CREBRF: variants seen among roughly 807,000 people sequenced by gnomAD.
CREBRF encodes the protein UPF0474 protein C5orf41.
Under a neutral mutation model 66.1 loss-of-function variants are expected in CREBRF, and 5 were observed. The ratio of observed to expected loss-of-function variants is 0.08; its 90% CI spans 0.04 to 0.16. CREBRF has a LOEUF of 0.16. Ranked by LOEUF, CREBRF falls within the 10% of genes least tolerant of loss-of-function variation. CREBRF has a pLI of 1.00. For missense variants in CREBRF, 531 were observed against 744.9 expected, an observed-to-expected ratio of 0.71 and a Z score of 3.34; for synonymous variants, 229 against 264.4, an observed-to-expected ratio of 0.87 and a Z score of 1.30.
chr5:173,091,893 C>T (rs937277660), intron 4 of CREBRF: 14 of 504,934 alleles, frequency 2.8e-5, no homozygotes, highest in South Asian at 2.5e-4. Flanking sequence ...AAGACCAGCC[C>T]GGCCAACACA....
intron 8 of CREBRF, among the ~76,000 whole-genome samples, chr5:173,131,473 C>T (rs1759422787): frequency 6.6e-6 from 1 of 152,140 alleles, no homozygotes; most frequent in Admixed American, 6.6e-5. Context: ...TAGTCTACAT[C>T]AGTCTCCCCA....
intron 7 of CREBRF, among the ~76,000 whole-genome samples, chr5:173,112,914 G>A (rs1188348042): frequency 6.6e-6 from 1 of 152,112 alleles, no homozygotes; most frequent in African/African-American, 2.4e-5. Flanking sequence ...CACATTTCTA[G>A]GCTTCTCTGC....
At chr5:173,082,003 G>GTTTTTTTTTTTTTTTTTTTTTTTTTTTTT (rs869148787) in intron 2 of CREBRF, among the ~76,000 whole-genome samples, 1 of 78,046 alleles carries the variant, frequency 1.3e-5, no homozygotes, top group Non-Finnish European at 2.5e-5. Flanking sequence ...TCAAGGTTTA[G>GTTTTTTTTTTTTTTTTTTTTTTTTTTTTT]TTTTTTTTTT....
intron 1 of CREBRF, among the ~76,000 whole-genome samples, chr5:173,059,290 G>A (rs1554121890): frequency 8.9e-6 from 1 of 112,304 alleles, no homozygotes; most frequent in Non-Finnish European, 1.8e-5. Flanking sequence ...TTGAGACGGA[G>A]TTTCGCCCTT....
At chr5:173,064,341 C>G (rs1209330816) in intron 1 of CREBRF, among the ~76,000 whole-genome samples, 1 of 152,134 alleles carries the variant, frequency 6.6e-6, no homozygotes, top group Non-Finnish European at 1.5e-5. Flanking sequence ...AGCAAGGCTT[C>G]TAGCATCCTA....
At chr5:173,061,797 G>A (rs1757281063) in intron 1 of CREBRF, among the ~76,000 whole-genome samples, 1 of 152,152 alleles carries the variant, frequency 6.6e-6, no homozygotes, top group African/African-American at 2.4e-5. Flanking sequence ...AAAATGTCAA[G>A]TCGTGCTAAG....
At chr5:173,061,149 G>A (rs1757259690) in intron 1 of CREBRF, among the ~76,000 whole-genome samples, 1 of 152,112 alleles carries the variant, frequency 6.6e-6, no homozygotes, top group Non-Finnish European at 1.5e-5. Flanking sequence ...TGTATTTTTA[G>A]TAGAGACGGG....
intron 1 of CREBRF, among the ~76,000 whole-genome samples, chr5:173,065,656 T>TTTC (rs1450813439): frequency 1.4e-4 from 19 of 135,124 alleles, no homozygotes; most frequent in South Asian, 2.4e-4. Context: ...TCTTTTCCTT[T>TTTC]TTCTTCTTCT....
At chr5:173,071,431 C>A (rs1019581282) in intron 1 of CREBRF, among the ~76,000 whole-genome samples, 1 of 151,876 alleles carries the variant, frequency 6.6e-6, no homozygotes, top group African/African-American at 2.4e-5. Flanking sequence ...GCTGGTCTCA[C>A]ACTCCTGACC....
At chr5:173,096,458 TCTCCTCCCTC>T (rs1408461281) in intron 4 of CREBRF, among the ~76,000 whole-genome samples, 1 of 20,742 alleles carries the variant, frequency 4.8e-5, no homozygotes, top group Non-Finnish European at 1.2e-4. Flanking sequence ...TCTCCTCCCC[TCTCCTCCCTC>T]CCCTCCCCTT....
chr5:173,064,123 A>G (rs1431069808), intron 1 of CREBRF, among the ~76,000 whole-genome samples: 3 of 151,970 alleles, frequency 2.0e-5, no homozygotes, highest in Non-Finnish European at 2.9e-5. Context: ...TTTCTTCAGT[A>G]TAATATTTTG....
chr5:173,108,575 G>T, intron 4 of CREBRF, 49 bp from the exon 5 acceptor site: 1 of 1,509,702 alleles, frequency 6.6e-7, no homozygotes, highest in South Asian at 1.2e-5. Context: ...TGTTCTGATT[G>T]ATTTATTGAA....
In CREBRF at chr5:173,131,695, T is replaced by C. The variant is rs1374055251; in HGVS notation, c.1805-1935T>C. On this transcript the variant is annotated intron_variant, in intron 8 of 8. Transcript: ENST00000296953. ...ACATGGTTAAGCTTGTATATATGTATACACACACACACACACACACACACA... is the reference window on the plus strand; with the variant it reads ...ACATGGTTAAGCTTGTATATATGTACACACACACACACACACACACACACA... 4.7e-5 allele frequency among the ~76,000 whole-genome samples: 7 copies of C among 149,042 alleles called. No homozygotes were observed. In the East Asian group the frequency reaches 1.0e-3, roughly 21 times the overall value.
chr5:173,082,114 C>T (rs1172146695), intron 2 of CREBRF, among the ~76,000 whole-genome samples: 6 of 141,950 alleles, frequency 4.2e-5, no homozygotes, highest in South Asian at 2.4e-4. Flanking sequence ...CCCGGGTTCA[C>T]GCCATTCTCC....
At position 173,080,666 on chromosome 5, in the gene CREBRF, T is replaced by G; in HGVS notation, c.-110T>G. 2.7e-6 allele frequency: 3 copies of G among 1,130,658 alleles called. No individual in the cohort carries two copies. The highest frequency in any genetic ancestry group is 1.3e-6 in the Non-Finnish European group (1 of 754,314). The allele number at this position is 1,130,658 out of a possible 1,614,324, so 70.0% of individuals were successfully genotyped here. On this transcript the variant is annotated 5_prime_UTR_variant, in exon 2 of 9. Coordinates refer to ENST00000296953, the MANE Select transcript of CREBRF (RefSeq NM_153607.3). ...AAGCACTCTGGGGAAACCTGCTGTT[T>G]ATTGTGGAAATCATCTTCGATCTTG...
At position 173,088,835 on chromosome 5, in the gene CREBRF, A is replaced by G. The variant is rs868362817; in HGVS notation, c.136-1480A>G. On this transcript the variant is annotated intron_variant, in intron 3 of 8. Coordinates refer to ENST00000296953, the MANE Select transcript of CREBRF (RefSeq NM_153607.3). ...AAAATTATTGAATTGTCTACTTAAT[A>G]TAGGTTGGTTTTATGGTATGTGAAA... Among the ~76,000 whole-genome samples, 7 of 152,294 alleles carry G rather than the reference A, an allele frequency of 4.6e-5. No individual in the cohort carries two copies. In the South Asian group the frequency reaches 1.0e-3, roughly 23 times the overall value.
chr5:173,089,387 A>G (rs1043327509), intron 3 of CREBRF, among the ~76,000 whole-genome samples: 3 of 151,998 alleles, frequency 2.0e-5, no homozygotes, highest in Non-Finnish European at 4.4e-5. Context: ...GTTTTTTTGT[A>G]TATACTTTTT....
chr5:173,122,737 A>T (rs200515460), intron 7 of CREBRF, among the ~76,000 whole-genome samples: 8 of 118,148 alleles, frequency 6.8e-5, no homozygotes, highest in Non-Finnish European at 1.4e-4. Context: ...TCCTAATGCT[A>T]TCCCTCCCCC....
intron 1 of CREBRF, among the ~76,000 whole-genome samples, chr5:173,068,524 A>G (rs781554853): frequency 2.6e-5 from 4 of 152,236 alleles, no homozygotes; most frequent in Non-Finnish European, 5.9e-5. Context: ...TTTGAACAAT[A>G]AAGAGCAATA....
Sources: gnomAD v4.1 joint callset for allele counts (sites outside exome capture counted in the v4.1 genomes callset) on GRCh38, gnomAD v4.1.1 for gene constraint, MANE v1.5 for transcripts, NCBI Gene and HGNC (gene_info 2026-07-23, HGNC 2026-07-21) for gene names.